Variants in CREB5 observed in about 807,000 individuals in gnomAD.
CREB5 encodes cyclic AMP-responsive element-binding protein 5.
CREB5 carries 19 observed loss-of-function variants against 57.1 expected under a neutral mutation model. The observed-to-expected ratio is 0.33, with a 90% CI of 0.23 to 0.49. CREB5 has a LOEUF of 0.49. Ranked by LOEUF, CREB5 falls within the 20% of genes least tolerant of loss-of-function variation. The pLI is 0.99. For missense variants in CREB5, 579 were observed against 671.6 expected, an observed-to-expected ratio of 0.86 and a Z score of 1.52; for synonymous variants, 238 against 238.3, an observed-to-expected ratio of 1.00 and a Z score of 0.01.
chr7:28,717,251 G>A (rs1194417914), intron 5 of CREB5, among the ~76,000 whole-genome samples: 2 of 151,596 alleles, frequency 1.3e-5, no homozygotes, highest in African/African-American at 4.8e-5. Flanking sequence ...TAGAGACAGC[G>A]TTTCACCGTG....
chr7:28,379,022 A>G lies in CREB5; in HGVS notation c.-25+79581A>G, dbSNP rs531364555. The stretch of plus-strand genomic sequence containing the variant: ...ACTGTCCTTAAAATAGTTAAGTCCA[A>G]TGTTACTAGAGGTTTGACATAAATC... On this transcript the variant is annotated intron_variant, in intron 1 of 9. Coordinates refer to the CREB5 transcript ENST00000396299. 9.2e-5 allele frequency among the ~76,000 whole-genome samples: 14 copies of G among 152,314 alleles called. No individual in the cohort carries two copies. In the South Asian group the frequency reaches 2.7e-3, roughly 29 times the overall value.
chr7:28,351,403 GA>G (rs1476990016), intron 1 of CREB5, among the ~76,000 whole-genome samples: 2 of 152,162 alleles, frequency 1.3e-5, no homozygotes, highest in African/African-American at 4.8e-5. Flanking sequence ...CTACGTGAAG[GA>G]GGAAGAAAGA....
At chr7:28,565,825 G>A (rs923364310) in intron 4 of CREB5, among the ~76,000 whole-genome samples, 1 of 152,268 alleles carries the variant, frequency 6.6e-6, no homozygotes, top group East Asian at 1.9e-4. Context: ...GGGGGCTGAG[G>A]CAGGAGAATC....
At chr7:28,635,793 G>C (rs1798395015) in intron 5 of CREB5, among the ~76,000 whole-genome samples, 1 of 151,900 alleles carries the variant, frequency 6.6e-6, no homozygotes, top group South Asian at 2.1e-4. Context: ...ATTGTTTTCT[G>C]GGCCCAGCCA....
chr7:28,715,545 G>A (rs1048489120), intron 5 of CREB5, among the ~76,000 whole-genome samples: 16 of 152,168 alleles, frequency 1.1e-4, no homozygotes, highest in African/African-American at 3.9e-4. Flanking sequence ...TTACTTTAAC[G>A]ATATGAGCAT....
chr7:28,434,332 T>C (rs1242651321), intron 1 of CREB5, among the ~76,000 whole-genome samples: 1 of 152,220 alleles, frequency 6.6e-6, no homozygotes, highest in Non-Finnish European at 1.5e-5. Context: ...GATTCGATTA[T>C]TAATTTCATT....
chr7:28,410,419 C>T (rs762750703), upstream of CREB5: 12 of 456,748 alleles, frequency 2.6e-5, no homozygotes, highest in South Asian at 1.9e-4. Context: ...GGCAGAATCA[C>T]TTGAACTTTT....
chr7:28,626,205 T>C (rs1318862241), intron 5 of CREB5, among the ~76,000 whole-genome samples: 1 of 152,220 alleles, frequency 6.6e-6, no homozygotes, highest in Non-Finnish European at 1.5e-5. Flanking sequence ...AGATTGCTTC[T>C]TGTCAAATGC....
intron 5 of CREB5, among the ~76,000 whole-genome samples, chr7:28,584,530 C>T (rs1303610500): frequency 1.3e-5 from 2 of 152,126 alleles, no homozygotes; most frequent in Admixed American, 6.5e-5. Context: ...CAAGGAACGC[C>T]AGGGATTGCC....
At chr7:28,381,889 C>G (rs1466931220) in intron 1 of CREB5, among the ~76,000 whole-genome samples, 1 of 152,100 alleles carries the variant, frequency 6.6e-6, no homozygotes, top group Non-Finnish European at 1.5e-5. Flanking sequence ...TATGGAGAGA[C>G]AGTATATATA....
chr7:28,496,562 C>T (rs1367910337), intron 3 of CREB5, among the ~76,000 whole-genome samples: 2 of 152,022 alleles, frequency 1.3e-5, no homozygotes, highest in Admixed American at 1.3e-4. Flanking sequence ...AGATGAGGGC[C>T]CTTGATCCTG....
chr7:28,557,777 C>G (rs751194680), intron 4 of CREB5, among the ~76,000 whole-genome samples: 25 of 152,240 alleles, frequency 1.6e-4, no homozygotes, highest in Non-Finnish European at 2.5e-4. Context: ...CCTGTGTGCT[C>G]ACAGAATATC....
chr7:28,805,655 G>A (rs1300770437), intron 8 of CREB5, among the ~76,000 whole-genome samples: 1 of 152,152 alleles, frequency 6.6e-6, no homozygotes, highest in Non-Finnish European at 1.5e-5. Flanking sequence ...TAGATAAACT[G>A]TCTTTTGCAA....
intron 1 of CREB5, among the ~76,000 whole-genome samples, chr7:28,345,868 G>A (rs940747511): frequency 2.0e-5 from 3 of 152,156 alleles, no homozygotes; most frequent in Non-Finnish European, 4.4e-5. Flanking sequence ...GGGAGTGCTG[G>A]TGATGAGGGT....
At chr7:28,724,504 G>C (rs944481976) in intron 7 of CREB5, 172 bp downstream of exon 7, 1 of 587,892 alleles carries the variant, frequency 1.7e-6, no homozygotes, top group African/African-American at 1.9e-5. Flanking sequence ...ACAGAGCCTT[G>C]GTGTCAGATA....
chr7:28,691,727 G>T (rs958334201), intron 5 of CREB5, among the ~76,000 whole-genome samples: 1 of 152,130 alleles, frequency 6.6e-6, no homozygotes, highest in Non-Finnish European at 1.5e-5. Context: ...CTGCTTGAAA[G>T]AAGTATTGTC....
chr7:28,640,515 T>C (rs1405623300), intron 5 of CREB5, among the ~76,000 whole-genome samples: 2 of 152,228 alleles, frequency 1.3e-5, no homozygotes, highest in African/African-American at 4.8e-5. Flanking sequence ...TTCTATCACA[T>C]GACTGCTTGC....
rs1439902543 is a variant in CREB5, at chr7:28,624,548, T to C, written c.464+54011T>C. 7.2e-5 allele frequency among the ~76,000 whole-genome samples: 11 copies of C among 152,086 alleles called. No individual in the cohort carries two copies. The South Asian group carries it at 2.3e-3, about 32-fold the overall frequency. ...TAACAGGCTGTGTACAAAAAGAGGG[T>C]CTATCTGGCTCCTTCTTTAAGCCTC... is the stretch of plus-strand genomic sequence containing the variant. On this transcript the variant is annotated intron_variant, in intron 5 of 10. Coordinates refer to ENST00000357727, the MANE Select transcript of CREB5 (RefSeq NM_182898.4).
chr7:28,312,812 T>A (rs1785305437), intron 1 of CREB5, among the ~76,000 whole-genome samples: 1 of 152,220 alleles, frequency 6.6e-6, no homozygotes, highest in Non-Finnish European at 1.5e-5. Flanking sequence ...ATTGCAGTAA[T>A]GTATTCCAGT....
Sources: gnomAD v4.1 joint callset for allele counts (sites outside exome capture counted in the v4.1 genomes callset) on GRCh38, gnomAD v4.1.1 for gene constraint, MANE v1.5 for transcripts, NCBI Gene and HGNC (gene_info 2026-07-23, HGNC 2026-07-21) for gene names.